SPAG16: variants seen among roughly 807,000 people sequenced by gnomAD.
SPAG16 encodes the protein sperm-associated antigen 16 protein.
A neutral mutation model predicts 80.4 loss-of-function variants in SPAG16; 86 were observed. That is an observed-to-expected ratio of 1.07 (90% CI 0.90 to 1.28). SPAG16 has a LOEUF of 1.28. SPAG16 is among the 50% of genes most tolerant of loss of function. The pLI is 0.00. For missense variants in SPAG16, 870 were observed against 765.3 expected, an observed-to-expected ratio of 1.14 and a Z score of -1.61; for synonymous variants, 294 against 265.9, an observed-to-expected ratio of 1.11 and a Z score of -1.03.
chr2:214,386,022 A>G (rs943154137), intron 15 of SPAG16, among the ~76,000 whole-genome samples: 3 of 152,122 alleles, frequency 2.0e-5, no homozygotes, highest in African/African-American at 7.2e-5. Context: ...TAATATTCCA[A>G]TTTGGCTCTC....
rs142369862 is a variant in SPAG16 at position 213,798,728 on chromosome 2, G to A, written c.1071-63757G>A. ...AACCTTACCTCTTATGTTTAGGTCC[G>A]TGATCCATTTTTATTTAATTTTCCT... On this transcript the variant is annotated intron_variant, in intron 10 of 15. Coordinates refer to ENST00000331683, the MANE Select transcript of SPAG16 (RefSeq NM_024532.5). 6.6e-5 allele frequency among the ~76,000 whole-genome samples: 10 copies of A among 152,154 alleles called. No homozygotes were observed. In the East Asian group the frequency reaches 1.4e-3, roughly 21 times the overall value.
intron 15 of SPAG16, among the ~76,000 whole-genome samples, chr2:214,271,852 CAAA>C (rs145432073): frequency 1.4e-5 from 2 of 140,636 alleles, no homozygotes; most frequent in African/African-American, 5.6e-5. Context: ...ACCCCCCCCC[CAAA>C]AAAAAAGAAA....
chr2:213,853,833 G>A (rs1167003379), intron 10 of SPAG16, among the ~76,000 whole-genome samples: 1 of 152,194 alleles, frequency 6.6e-6, no homozygotes, highest in Admixed American at 6.6e-5. Flanking sequence ...TGACATCTTT[G>A]AGGATGATAG....
At chr2:214,170,861 C>A (rs893430547) in intron 15 of SPAG16, among the ~76,000 whole-genome samples, 3 of 152,042 alleles carry the variant, frequency 2.0e-5, no homozygotes, top group Non-Finnish European at 4.4e-5. Context: ...TAGGAAATAA[C>A]CTTGATATAA....
intron 13 of SPAG16, among the ~76,000 whole-genome samples, chr2:214,106,874 G>C (rs1253866475): frequency 2.0e-5 from 3 of 152,066 alleles, no homozygotes; most frequent in African/African-American, 7.2e-5. Context: ...GGAGACATTT[G>C]CTCTAGTTTT....
chr2:214,063,189 T>C (rs2050367034), intron 13 of SPAG16, among the ~76,000 whole-genome samples: 1 of 152,196 alleles, frequency 6.6e-6, no homozygotes, highest in South Asian at 2.1e-4. Context: ...AAATGGGTAC[T>C]ATATCAAACA....
chr2:213,826,789 T>A (rs2073331357), intron 10 of SPAG16, among the ~76,000 whole-genome samples: 1 of 152,022 alleles, frequency 6.6e-6, no homozygotes, highest in Non-Finnish European at 1.5e-5. Context: ...AAATGTTTCT[T>A]TGTTGATTTT....
chr2:213,356,415 C>T (rs1053315206), intron 7 of SPAG16, among the ~76,000 whole-genome samples: 1 of 152,212 alleles, frequency 6.6e-6, no homozygotes, highest in Non-Finnish European at 1.5e-5. Context: ...ATTATTGCCG[C>T]AATTTCAGAG....
Position 214,295,027 on chromosome 2 carries a change from T to A in SPAG16, c.1721-115113T>A, listed in dbSNP as rs143322781. 4.7e-3 allele frequency among the ~76,000 whole-genome samples: 710 copies of A among 152,362 alleles called. 4 individuals carry two copies. Among genetic ancestry groups the A allele is most frequent in the African/African-American group, 0.016 (675 of 41,602 alleles). ...TGCTCTAGCCACGGTCACAGTGCCA[T>A]CTGTCTAGGGTCTGGGGAATTTAGG... On this transcript the variant is annotated intron_variant, in intron 15 of 15. Transcript: ENST00000331683.
At chr2:213,987,783 A>AG (rs1222978093) in intron 12 of SPAG16, among the ~76,000 whole-genome samples, 1 of 149,074 alleles carries the variant, frequency 6.7e-6, no homozygotes, top group African/African-American at 2.4e-5. Flanking sequence ...AATACATAAC[A>AG]GAAAAACTAT....
chr2:214,187,892 C>T (rs1343930412), intron 15 of SPAG16, among the ~76,000 whole-genome samples: 4 of 151,988 alleles, frequency 2.6e-5, no homozygotes, highest in Non-Finnish European at 5.9e-5. Flanking sequence ...GAGCTATTCT[C>T]TCTAGCCATA....
At chr2:213,371,396 CA>C (rs1161878780) in intron 8 of SPAG16, among the ~76,000 whole-genome samples, 3,995 of 47,362 alleles carry the variant, frequency 0.084, 197 homozygotes, top group African/African-American at 0.24. Flanking sequence ...GACCGTGTCT[CA>C]AAAAAAAAAA....
rs375189866 is a variant in SPAG16 at position 213,930,055 on chromosome 2, G to A, written c.1310G>A (p.Arg437His). 19 of 1,614,016 alleles carry A rather than the reference G, an allele frequency of 1.2e-5. No individual in the cohort carries two copies. The African/African-American group carries it at 1.6e-4, about 14-fold the overall frequency. The change falls in exon 12 of 16, where the codon CGC becomes CAC. Residue 437 changes from arginine to histidine, a missense_variant. Arg to His is a conservative substitution (Grantham distance 29). Coordinates refer to ENST00000331683, the MANE Select transcript of SPAG16 (RefSeq NM_024532.5). Reference sequence around the variant, plus strand: ...ATTTTGACCTTTGAAGGACACAGCCGCGCAGTGTGGTCCTGCACATGGCAC... The same window carrying A: ...ATTTTGACCTTTGAAGGACACAGCCACGCAGTGTGGTCCTGCACATGGCAC... ...DCILTFEGHSRAVWSCTWHSC... is the reference protein window; with the variant it reads ...DCILTFEGHSHAVWSCTWHSC...
intron 14 of SPAG16, among the ~76,000 whole-genome samples, chr2:214,131,916 C>T (rs1333174220): frequency 6.6e-6 from 1 of 152,016 alleles, no homozygotes; most frequent in African/African-American, 2.4e-5. Context: ...CAAGAGTGAA[C>T]CCTAATGTAA....
rs190610745 is a variant in SPAG16, at chr2:214,394,619, A to G, written c.1721-15521A>G. Among the ~76,000 whole-genome samples the G allele has an allele frequency of 1.0e-3, 154 of 152,276 alleles. 2 individuals are homozygous for G. The highest frequency in any genetic ancestry group is 6.8e-3 in the East Asian group (35 of 5,184). On this transcript the variant is annotated intron_variant, in intron 15 of 15. Transcript: ENST00000331683. The stretch of plus-strand genomic sequence containing the variant: ...CAGTTTTAGTTTCACAGAAAAATTG[A>G]AAGTACAGAGATTTCCTATATATCC...
chr2:214,160,714 C>T (rs915223170), intron 15 of SPAG16, among the ~76,000 whole-genome samples: 1 of 151,988 alleles, frequency 6.6e-6, no homozygotes, highest in Non-Finnish European at 1.5e-5. Flanking sequence ...TTTCTAAAAA[C>T]TATGTTTTGC....
chr2:214,031,932 C>T (rs2048435678), intron 13 of SPAG16, among the ~76,000 whole-genome samples: 1 of 152,176 alleles, frequency 6.6e-6, no homozygotes, highest in African/African-American at 2.4e-5. Context: ...AGTCACCTCC[C>T]ACCAGGCCCC....
At chr2:213,369,758 A>G (rs1475776103) in intron 8 of SPAG16, among the ~76,000 whole-genome samples, 1 of 152,124 alleles carries the variant, frequency 6.6e-6, no homozygotes, top group Admixed American at 6.6e-5. Context: ...GGTTTATAGC[A>G]AAATTGAGTG....
chr2:214,266,824 A>C (rs538027139), intron 15 of SPAG16, among the ~76,000 whole-genome samples: 2 of 151,922 alleles, frequency 1.3e-5, no homozygotes, highest in Non-Finnish European at 3.0e-5. Context: ...AATTAAGAAA[A>C]CAGTCCCAAT....
Sources: gnomAD v4.1 joint callset for allele counts (sites outside exome capture counted in the v4.1 genomes callset) on GRCh38, gnomAD v4.1.1 for gene constraint, MANE v1.5 for transcripts, NCBI Gene and HGNC (gene_info 2026-07-23, HGNC 2026-07-21) for gene names.